The following LRRTM4 variants were observed in gnomAD, a reference collection of about 807,000 sequenced individuals.
LRRTM4 encodes the protein leucine rich repeat transmembrane neuronal 4.
A neutral mutation model predicts 47.6 loss-of-function variants in LRRTM4; 25 were observed. The observed-to-expected ratio is 0.53, with a 90% CI of 0.38 to 0.73. The LOEUF is 0.73. Among genes scored for constraint, LRRTM4 ranks in the 30% least tolerant of loss-of-function variants. The pLI is 0.00. For missense variants in LRRTM4, 638 were observed against 713.4 expected, an observed-to-expected ratio of 0.89 and a Z score of 1.20; for synonymous variants, 311 against 269.5, an observed-to-expected ratio of 1.15 and a Z score of -1.51.
At chr2:76,785,507 T>G (rs1320663474) in intron 3 of LRRTM4, among the ~76,000 whole-genome samples, 1 of 152,106 alleles carries the variant, frequency 6.6e-6, no homozygotes, top group African/African-American at 2.4e-5. Context: ...CTAATCAACT[T>G]TTTAGTGGTA....
intron 3 of LRRTM4, among the ~76,000 whole-genome samples, chr2:77,511,839 A>AAGGTCAAACTTTATGACCTT (rs1422101483): frequency 1.3e-5 from 2 of 152,136 alleles, no homozygotes; most frequent in Non-Finnish European, 2.9e-5. Context: ...GATTTGACTT[A>AAGGTCAAACTTTATGACCTT]AGGTCAAACT....
intron 3 of LRRTM4, among the ~76,000 whole-genome samples, chr2:76,805,525 A>G (rs1045284193): frequency 2.0e-5 from 3 of 152,210 alleles, no homozygotes; most frequent in African/African-American, 7.2e-5. Flanking sequence ...GACATACATC[A>G]TGTAGATCAA....
chr2:76,954,576 G>C (rs555226310), intron 3 of LRRTM4, among the ~76,000 whole-genome samples: 1 of 151,576 alleles, frequency 6.6e-6, no homozygotes, highest in African/African-American at 2.4e-5. Flanking sequence ...GAACAAATAC[G>C]GGAGTTCCAG....
rs1410896405 is a variant in LRRTM4 at position 77,138,868 on chromosome 2, T to C, written c.1551+379450A>G. ...ACCTTTATGCAAATAAACTAGAAAA[T>C]CTAGAAGAAATGGATAAATTCCTGG... is the stretch of plus-strand genomic sequence containing the variant. On this transcript the variant is annotated intron_variant, in intron 3 of 3. Transcript: ENST00000409884. Among the ~76,000 whole-genome samples the C allele has an allele frequency of 2.0e-5, 3 of 151,860 alleles. No individual in the cohort carries two copies. In the East Asian group the frequency reaches 5.8e-4, roughly 29 times the overall value.
chr2:76,951,022 A>C (rs1453295680), intron 3 of LRRTM4, among the ~76,000 whole-genome samples: 4 of 152,094 alleles, frequency 2.6e-5, no homozygotes, highest in Admixed American at 2.6e-4. Context: ...AATGTTTTCT[A>C]TCATAAGGAG....
chr2:77,486,258 A>G (rs933549069), intron 3 of LRRTM4, among the ~76,000 whole-genome samples: 1 of 152,220 alleles, frequency 6.6e-6, no homozygotes, highest in Non-Finnish European at 1.5e-5. Context: ...AGCTAACAAT[A>G]TATTAACTAA....
chr2:76,914,741 G>A (rs1366474664), intron 3 of LRRTM4, among the ~76,000 whole-genome samples: 1 of 151,852 alleles, frequency 6.6e-6, no homozygotes, highest in Admixed American at 6.6e-5. Flanking sequence ...AAATTTATTT[G>A]ACCTAAACTT....
intron 3 of LRRTM4, among the ~76,000 whole-genome samples, chr2:76,793,485 GTAGGAT>G (rs1675089269): frequency 6.6e-6 from 1 of 152,016 alleles, no homozygotes; most frequent in Admixed American, 6.6e-5. Flanking sequence ...TTTAAGATAA[GTAGGAT>G]TTTGATTAAT....
At chr2:77,245,757 G>C (rs538416586) in intron 3 of LRRTM4, among the ~76,000 whole-genome samples, 6 of 152,086 alleles carry the variant, frequency 3.9e-5, no homozygotes, top group Non-Finnish European at 7.4e-5. Flanking sequence ...TGTGTGTTTA[G>C]GTTTTTGAAG....
intron 3 of LRRTM4, among the ~76,000 whole-genome samples, chr2:76,753,210 C>T (rs1215961750): frequency 6.6e-6 from 1 of 152,118 alleles, no homozygotes; most frequent in East Asian, 1.9e-4. Context: ...TTTCAAGTAA[C>T]TCCTCTGAAA....
intron 3 of LRRTM4, among the ~76,000 whole-genome samples, chr2:76,817,648 A>C (rs893248057): frequency 2.0e-5 from 3 of 152,026 alleles, no homozygotes; most frequent in Non-Finnish European, 4.4e-5. Flanking sequence ...AATTGCAGCC[A>C]GAGAATGAGG....
chr2:76,900,638 T>G (rs1248999966), intron 3 of LRRTM4, among the ~76,000 whole-genome samples: 1 of 152,136 alleles, frequency 6.6e-6, no homozygotes, highest in Admixed American at 6.6e-5. Flanking sequence ...CAGTTAAAGA[T>G]TTATGTGAAA....
chr2:77,130,743 C>T (rs55895213), intron 3 of LRRTM4, among the ~76,000 whole-genome samples: 6,682 of 150,642 alleles, frequency 0.044, 229 homozygotes, highest in Non-Finnish European at 0.064. Context: ...AATCTCCTGA[C>T]CTCATGATCC....
chr2:77,319,783 G>C (rs1442825510), intron 3 of LRRTM4, among the ~76,000 whole-genome samples: 1 of 152,128 alleles, frequency 6.6e-6, no homozygotes, highest in Non-Finnish European at 1.5e-5. Flanking sequence ...ACATGGATTT[G>C]ACATCCACTG....
At chr2:77,089,568 GA>G (rs1448141180) in intron 3 of LRRTM4, among the ~76,000 whole-genome samples, 2 of 151,588 alleles carry the variant, frequency 1.3e-5, no homozygotes, top group Non-Finnish European at 2.9e-5. Context: ...TGGAAGGTAA[GA>G]ACCCCCGAAC....
At chr2:76,796,439 T>A (rs1439946459) in intron 3 of LRRTM4, among the ~76,000 whole-genome samples, 9 of 132,946 alleles carry the variant, frequency 6.8e-5, no homozygotes, top group Admixed American at 4.6e-4. Flanking sequence ...TGAAGAGAGC[T>A]GTGGTTCTCC....
chr2:77,047,973 C>A (rs1275587352), intron 3 of LRRTM4, among the ~76,000 whole-genome samples: 2 of 151,984 alleles, frequency 1.3e-5, no homozygotes, highest in African/African-American at 4.8e-5. Flanking sequence ...TCAAATAATG[C>A]TCATTTGTGT....
At chr2:76,777,183 C>T (rs537310543) in intron 3 of LRRTM4, among the ~76,000 whole-genome samples, 1 of 150,888 alleles carries the variant, frequency 6.6e-6, no homozygotes, top group Admixed American at 6.6e-5. Flanking sequence ...AGTTTGAAGT[C>T]AGGGAGTGTG....
chr2:77,261,787 A>T (rs1675926005), intron 3 of LRRTM4, among the ~76,000 whole-genome samples: 1 of 152,026 alleles, frequency 6.6e-6, no homozygotes, highest in Admixed American at 6.6e-5. Context: ...ACACATTTTT[A>T]ACTTAAAATT....
Sources: allele counts gnomAD v4.1 joint callset (sites outside exome capture counted in the v4.1 genomes callset), GRCh38; gene constraint gnomAD v4.1.1; transcripts MANE v1.5; gene names NCBI Gene and HGNC (gene_info 2026-07-23, HGNC 2026-07-21).